Variants in LRRC3B observed in about 807,000 individuals in gnomAD.
LRRC3B encodes the protein leucine-rich repeat-containing protein 3B.
Under a neutral mutation model 12.8 loss-of-function variants are expected in LRRC3B, and 2 were observed. That is an observed-to-expected ratio of 0.16 (90% CI 0.06 to 0.49). LRRC3B has a LOEUF of 0.49. Ranked by LOEUF, LRRC3B falls within the 20% of genes least tolerant of loss-of-function variation. The pLI, the probability that LRRC3B is intolerant of heterozygous loss-of-function variation, is 0.96. For synonymous variants in LRRC3B, 132 were observed against 122.0 expected (o/e 1.08, Z -0.54); for missense variants, 189 against 319.4 (o/e 0.59, Z 3.11).
exon 2 of LRRC3B, chr3:26,710,500 G>T (rs750954537): frequency 6.7e-7 from 1 of 1,498,946 alleles, no homozygotes. Flanking sequence ...GTTTGCGATT[G>T]CAGTAGAAAT....
At chr3:26,683,771 T>C (rs1171386245) in intron 1 of LRRC3B, among the ~76,000 whole-genome samples, 1 of 152,230 alleles carries the variant, frequency 6.6e-6, no homozygotes, top group African/African-American at 2.4e-5. Context: ...CCATTTTCTG[T>C]CTACCTCCCC....
chr3:26,644,303 A>G (rs1463408203), intron 1 of LRRC3B, among the ~76,000 whole-genome samples: 1 of 152,182 alleles, frequency 6.6e-6, no homozygotes, highest in African/African-American at 2.4e-5. Context: ...AGAAGAGGAG[A>G]TTGCCTTAGC....
chr3:26,648,802 A>G (rs893758625), intron 1 of LRRC3B, among the ~76,000 whole-genome samples: 1 of 152,236 alleles, frequency 6.6e-6, no homozygotes, highest in Non-Finnish European at 1.5e-5. Context: ...AAGAATGGGC[A>G]GTTGCAACAC....
At chr3:26,639,826 A>G (rs1430588329) in intron 1 of LRRC3B, among the ~76,000 whole-genome samples, 2 of 151,942 alleles carry the variant, frequency 1.3e-5, no homozygotes, top group Non-Finnish European at 2.9e-5. Flanking sequence ...AAATCTCCCC[A>G]CCTTCTCTTT....
chr3:26,710,466 T>C (rs770804852), exon 2 of LRRC3B: 3 of 1,541,668 alleles, frequency 1.9e-6, no homozygotes, highest in Non-Finnish European at 2.6e-6. Context: ...CCAAACTGAC[T>C]GTCATTGAGA....
At chr3:26,668,864 A>G (rs567955799) in intron 1 of LRRC3B, among the ~76,000 whole-genome samples, 2 of 152,252 alleles carry the variant, frequency 1.3e-5, no homozygotes, top group South Asian at 4.1e-4. Flanking sequence ...AATGCCTTCT[A>G]TAAGTCTATT....
intron 1 of LRRC3B, among the ~76,000 whole-genome samples, chr3:26,631,614 GT>G (rs146168782): frequency 0.051 from 7,737 of 152,252 alleles, 489 homozygotes; most frequent in East Asian, 0.17. Flanking sequence ...AAATTAGCAT[GT>G]TTTTGTTTGT....
At chr3:26,682,535 G>T (rs905407920) in intron 1 of LRRC3B, among the ~76,000 whole-genome samples, 3 of 152,048 alleles carry the variant, frequency 2.0e-5, no homozygotes, top group Admixed American at 6.6e-5. Flanking sequence ...TTTTGCCTTT[G>T]TTCCTGGTGG....
At chr3:26,708,794 T>C (rs1700671418) in intron 1 of LRRC3B, among the ~76,000 whole-genome samples, 1 of 152,104 alleles carries the variant, frequency 6.6e-6, no homozygotes, top group South Asian at 2.1e-4. Context: ...TATAAAAAAG[T>C]CATGGAGGTG....
intron 1 of LRRC3B, among the ~76,000 whole-genome samples, chr3:26,708,544 C>T (rs1700663841): frequency 6.6e-6 from 1 of 152,128 alleles, no homozygotes; most frequent in East Asian, 1.9e-4. Flanking sequence ...CACTTGTCTC[C>T]TTTGTGAACT....
intron 1 of LRRC3B, among the ~76,000 whole-genome samples, chr3:26,683,344 C>T (rs1198109965): frequency 6.6e-6 from 1 of 152,224 alleles, no homozygotes; most frequent in Non-Finnish European, 1.5e-5. Flanking sequence ...TAAATTGTAG[C>T]AGCAGCTGAA....
At chr3:26,625,130 G>C (rs1304266872) in intron 1 of LRRC3B, 1 of 152,442 alleles carries the variant, frequency 6.6e-6, no homozygotes, top group Non-Finnish European at 1.5e-5. Flanking sequence ...GGTCCTCCCT[G>C]TTCAGACCTT....
In LRRC3B at chr3:26,693,312, G is replaced by A. The variant is rs1229509868; in HGVS notation, c.-160-16201G>A. Among the ~76,000 whole-genome samples the A allele has an allele frequency of 6.9e-5, 9 of 130,358 alleles. 1 individual carries two copies. The highest frequency in any genetic ancestry group is 6.5e-4 in the East Asian group (3 of 4,586). 85.5% of individuals were successfully genotyped at this position (130,358 alleles called of 152,430 possible). On this transcript the variant is annotated intron_variant, in intron 1 of 1. Coordinates refer to ENST00000396641, the Ensembl canonical transcript of LRRC3B. ...CCACTGCACTCCAGCCTGGGCGACA[G>A]AGCGAAACTCCGTCTCAAAAAAAAA...
At chr3:26,709,075 C>G (rs1700681635) in intron 1 of LRRC3B, among the ~76,000 whole-genome samples, 1 of 152,204 alleles carries the variant, frequency 6.6e-6, no homozygotes, top group Non-Finnish European at 1.5e-5. Context: ...ACAGATATCC[C>G]TGTCTATAGT....
Position 26,635,151 on chromosome 3 carries a change from C to T in LRRC3B, c.-161+11914C>T, listed in dbSNP as rs1698839273. Among the ~76,000 whole-genome samples the T allele has an allele frequency of 2.6e-5, 4 of 152,268 alleles. No individual in the cohort carries two copies. In the South Asian group the frequency reaches 8.3e-4, roughly 32 times the overall value. ...ATGTGTTTTAGTCTCCTCTGAGCCT[C>T]AAGCCACCTGGACCTCAGGACTGCA... On this transcript the variant is annotated intron_variant, in intron 1 of 1. Coordinates refer to ENST00000396641, the Ensembl canonical transcript of LRRC3B.
At chr3:26,658,209 C>T (rs1474528158) in intron 1 of LRRC3B, among the ~76,000 whole-genome samples, 1 of 152,070 alleles carries the variant, frequency 6.6e-6, no homozygotes, top group Admixed American at 6.5e-5. Flanking sequence ...CCCGAGTAGC[C>T]ACCACGCCCA....
At position 26,627,749 on chromosome 3, in the gene LRRC3B, AT is replaced by A. The variant is rs377525789; in HGVS notation, c.-161+4516del. Reference sequence around the variant, plus strand: ...TTTCCGGAGAATTCATTAGAAGTCAATTTTGTTTTTATGCAAGTAGGAAAAA... The same window carrying A: ...TTTCCGGAGAATTCATTAGAAGTCAATTTGTTTTTATGCAAGTAGGAAAAA... On this transcript the variant is annotated intron_variant, in intron 1 of 1. Coordinates refer to ENST00000396641, the Ensembl canonical transcript of LRRC3B. 2.3e-3 allele frequency among the ~76,000 whole-genome samples: 347 copies of A among 152,274 alleles called. 2 individuals are homozygous for A. Among genetic ancestry groups the A allele is most frequent in the African/African-American group, 8.0e-3 (333 of 41,558 alleles).
intron 1 of LRRC3B, among the ~76,000 whole-genome samples, chr3:26,679,424 C>G (rs1699925810): frequency 6.6e-6 from 1 of 152,222 alleles, no homozygotes; most frequent in Non-Finnish European, 1.5e-5. Flanking sequence ...TGCAGTCACA[C>G]TCAACTTTTC....
intron 1 of LRRC3B, among the ~76,000 whole-genome samples, chr3:26,665,709 A>G (rs995969941): frequency 7.2e-5 from 11 of 152,126 alleles, no homozygotes; most frequent in African/African-American, 2.4e-4. Context: ...CCAGTGAGAA[A>G]CCTTTTGGTA....
Sources: gnomAD v4.1 joint callset for allele counts (sites outside exome capture counted in the v4.1 genomes callset) on GRCh38, gnomAD v4.1.1 for gene constraint, MANE v1.5 for transcripts, NCBI Gene and HGNC (gene_info 2026-07-23, HGNC 2026-07-21) for gene names.